JARID2: variants seen among roughly 807,000 people sequenced by gnomAD.
JARID2 encodes the protein protein Jumonji.
In JARID2, 21 loss-of-function variants were observed where a neutral mutation model predicts 125.6. The ratio of observed to expected loss-of-function variants is 0.17; its 90% CI spans 0.12 to 0.24. The LOEUF (loss-of-function observed/expected upper bound fraction) is 0.24. Among genes scored for constraint, JARID2 ranks in the 10% least tolerant of loss-of-function variants. The pLI, the probability that JARID2 is intolerant of heterozygous loss-of-function variation, is 1.00. For synonymous variants in JARID2, 736 were observed against 661.6 expected (o/e 1.11, Z -1.73); for missense variants, 1,303 against 1,639.6 (o/e 0.79, Z 3.55).
intron 2 of JARID2, among the ~76,000 whole-genome samples, chr6:15,385,110 C>T (rs959943214): frequency 3.3e-5 from 5 of 152,184 alleles, no homozygotes; most frequent in African/African-American, 9.7e-5. Context: ...AATGTGAAAG[C>T]GAAATATCCT....
intron 1 of JARID2, among the ~76,000 whole-genome samples, chr6:15,280,371 G>C (rs764355759): frequency 1.3e-5 from 2 of 151,984 alleles, no homozygotes; most frequent in African/African-American, 2.4e-5. Flanking sequence ...AAAAAATTAA[G>C]TTTTGGATAT....
chr6:15,469,328 C>G (rs1177971067), intron 5 of JARID2, among the ~76,000 whole-genome samples: 5 of 101,194 alleles, frequency 4.9e-5, no homozygotes, highest in African/African-American at 1.2e-4. Context: ...GTCTCTCTCT[C>G]TCTCTCTCCT....
chr6:15,304,989 C>T (rs1226391531), intron 1 of JARID2, among the ~76,000 whole-genome samples: 1 of 152,032 alleles, frequency 6.6e-6, no homozygotes, highest in African/African-American at 2.4e-5. Flanking sequence ...ACATTTAAGA[C>T]TTGTTTTGGG....
chr6:15,314,334 T>A (rs886945148), intron 1 of JARID2, among the ~76,000 whole-genome samples: 24 of 151,894 alleles, frequency 1.6e-4, no homozygotes, highest in African/African-American at 5.6e-4. Context: ...TACAATAATT[T>A]AAAAAAAATG....
chr6:15,343,416 T>C (rs1056009452), intron 1 of JARID2, among the ~76,000 whole-genome samples: 2 of 152,178 alleles, frequency 1.3e-5, no homozygotes, highest in South Asian at 2.1e-4. Context: ...AAATTTAGTG[T>C]GTATTATTAT....
intron 5 of JARID2, among the ~76,000 whole-genome samples, chr6:15,480,283 C>T (rs967192408): frequency 6.6e-6 from 1 of 152,072 alleles, no homozygotes; most frequent in Non-Finnish European, 1.5e-5. Context: ...GCAGATGTTT[C>T]GGCTGACTTT....
intron 1 of JARID2, among the ~76,000 whole-genome samples, chr6:15,261,666 G>A (rs1042872130): frequency 1.3e-5 from 2 of 151,938 alleles, no homozygotes; most frequent in East Asian, 3.9e-4. Flanking sequence ...TCAGCAGCAA[G>A]TAATCCTCCT....
intron 5 of JARID2, among the ~76,000 whole-genome samples, chr6:15,476,993 T>C (rs1769374359): frequency 6.6e-6 from 1 of 152,234 alleles, no homozygotes; most frequent in Non-Finnish European, 1.5e-5. Flanking sequence ...GGCTTGTTGC[T>C]AGGTCAGCTG....
At position 15,415,618 on chromosome 6, in the gene JARID2, G is replaced by T. The variant is rs567725453; in HGVS notation, c.323+5253G>T. ...GGCTGACCCCTCCACCTCCCTCCCG[G>T]TCGGGGCGGCTGGCCGGGCGGGGGG... On this transcript the variant is annotated intron_variant, in intron 3 of 17. Transcript: ENST00000341776. Among the ~76,000 whole-genome samples, 56 of 146,656 alleles carry T rather than the reference G, an allele frequency of 3.8e-4. No homozygotes were observed. In the South Asian group the frequency reaches 0.012, roughly 30 times the overall value.
At chr6:15,254,707 C>G (rs1759588450) in intron 1 of JARID2, among the ~76,000 whole-genome samples, 1 of 152,250 alleles carries the variant, frequency 6.6e-6, no homozygotes, top group Non-Finnish European at 1.5e-5. Flanking sequence ...TTATCAACAG[C>G]AGTGTTTATT....
chr6:15,481,043 A>G (rs1324575266), intron 5 of JARID2, among the ~76,000 whole-genome samples: 1 of 152,234 alleles, frequency 6.6e-6, no homozygotes, highest in African/African-American at 2.4e-5. Flanking sequence ...CAGGATTGCT[A>G]TTAAATATGT....
chr6:15,246,550 A>G lies in JARID2; in HGVS notation c.11A>G (p.Glu4Gly), dbSNP rs768586719. 9 of 1,613,614 alleles carry G rather than the reference A, an allele frequency of 5.6e-6. No individual in the cohort carries two copies. The East Asian group carries it at 6.7e-5, about 12-fold the overall frequency. ...CATTTGGATCTCAGAATGAGCAAGG[A>G]AAGACCCAAGAGGAATATCATTCAG... MSK[E>G]RPKRNIIQKK... Residue 4 changes from glutamate to glycine, a missense_variant, in exon 1 of 18, where the codon GAA (glutamate) becomes GGA (glycine). By Grantham distance (98) the Glu-to-Gly change is moderately conservative (BLOSUM62 -2). Transcript: ENST00000341776.
chr6:15,292,227 T>C (rs1254153984), intron 1 of JARID2, among the ~76,000 whole-genome samples: 1 of 152,038 alleles, frequency 6.6e-6, no homozygotes, highest in Non-Finnish European at 1.5e-5. Flanking sequence ...TTCACTGTGT[T>C]AGCCAGGATG....
At chr6:15,294,592 C>T (rs1201181364) in intron 1 of JARID2, among the ~76,000 whole-genome samples, 1 of 152,150 alleles carries the variant, frequency 6.6e-6, no homozygotes, top group Admixed American at 6.5e-5. Flanking sequence ...GTGCAGGGCC[C>T]AGTGCAGTGT....
intron 1 of JARID2, among the ~76,000 whole-genome samples, chr6:15,328,943 G>T (rs1047550249): frequency 1.3e-5 from 2 of 152,224 alleles, no homozygotes; most frequent in African/African-American, 4.8e-5. Flanking sequence ...AGAAGCCTGT[G>T]AACAGTGACC....
At chr6:15,290,296 C>T (rs777434697) in intron 1 of JARID2, among the ~76,000 whole-genome samples, 21 of 152,186 alleles carry the variant, frequency 1.4e-4, no homozygotes, top group African/African-American at 1.9e-4. Flanking sequence ...GATGTGCTGG[C>T]TGATAAACTT....
chr6:15,292,517 T>A (rs996831785), intron 1 of JARID2, among the ~76,000 whole-genome samples: 1 of 152,216 alleles, frequency 6.6e-6, no homozygotes, highest in Non-Finnish European at 1.5e-5. Flanking sequence ...TAAAGTCTTC[T>A]GTTGTATTTT....
intron 1 of JARID2, among the ~76,000 whole-genome samples, chr6:15,296,070 AAT>A (rs1761401697): frequency 6.6e-6 from 1 of 152,196 alleles, no homozygotes; most frequent in Non-Finnish European, 1.5e-5. Flanking sequence ...GTATTTCGGT[AAT>A]TTTTTCAACC....
At chr6:15,380,750 A>ATG (rs1745230318) in intron 2 of JARID2, among the ~76,000 whole-genome samples, 1 of 152,116 alleles carries the variant, frequency 6.6e-6, no homozygotes, top group Admixed American at 6.5e-5. Flanking sequence ...AAGATTCTTG[A>ATG]TGTGTGTGGA....
Sources: gnomAD v4.1 joint callset for allele counts (sites outside exome capture counted in the v4.1 genomes callset) on GRCh38, gnomAD v4.1.1 for gene constraint, MANE v1.5 for transcripts, NCBI Gene and HGNC (gene_info 2026-07-23, HGNC 2026-07-21) for gene names.